The following NTM variants were observed in gnomAD, a reference collection of about 807,000 sequenced individuals.
NTM encodes the protein neurotrimin.
A neutral mutation model predicts 42.1 loss-of-function variants in NTM; 13 were observed. The ratio of observed to expected loss-of-function variants is 0.31; its 90% CI spans 0.20 to 0.49. The LOEUF (loss-of-function observed/expected upper bound fraction) is 0.49. Ranked by LOEUF, NTM falls within the 20% of genes least tolerant of loss-of-function variation. NTM has a pLI of 0.99. For synonymous variants in NTM, 187 were observed against 179.2 expected (o/e 1.04, Z -0.35); for missense variants, 373 against 452.8 (o/e 0.82, Z 1.60).
At chr11:131,742,512 T>C (rs2081318678) in intron 1 of NTM, among the ~76,000 whole-genome samples, 1 of 152,234 alleles carries the variant, frequency 6.6e-6, no homozygotes, top group African/African-American at 2.4e-5. Context: ...ATCTGAATTA[T>C]GATACAGTTT....
intron 1 of NTM, among the ~76,000 whole-genome samples, chr11:131,852,850 C>T (rs1437865886): frequency 6.7e-6 from 1 of 150,014 alleles, no homozygotes; most frequent in African/African-American, 2.5e-5. Flanking sequence ...ATCCATCCAC[C>T]CATCCATCTA....
Position 131,956,700 on chromosome 11 carries a change from C to G in NTM, c.167+45052C>G, listed in dbSNP as rs141978823. ...CGGTGTTTGCCCACAATTCCACTCA[C>G]TTAAAATTTGCCTTTGTCTTCTAGC... is the stretch of plus-strand genomic sequence containing the variant. On this transcript the variant is annotated intron_variant, in intron 2 of 8. Transcript: ENST00000683400. 5.0e-4 allele frequency among the ~76,000 whole-genome samples: 75 copies of G among 150,776 alleles called. 1 individual carries two copies. The East Asian group carries it at 0.014, about 27-fold the overall frequency.
At chr11:131,973,635 G>C (rs2063883194) in intron 2 of NTM, among the ~76,000 whole-genome samples, 1 of 152,184 alleles carries the variant, frequency 6.6e-6, no homozygotes, top group Admixed American at 6.5e-5. Flanking sequence ...TGGCCAACAT[G>C]GGGAAACCCC....
chr11:131,866,126 CACAT>C (rs566570541), intron 1 of NTM, among the ~76,000 whole-genome samples: 22 of 151,724 alleles, frequency 1.5e-4, no homozygotes, highest in African/African-American at 3.6e-4. Context: ...ACACATGCCT[CACAT>C]ACACATGCAT....
intron 2 of NTM, among the ~76,000 whole-genome samples, chr11:131,917,289 T>G (rs1162244711): frequency 6.6e-6 from 1 of 152,228 alleles, no homozygotes; most frequent in Non-Finnish European, 1.5e-5. Flanking sequence ...TCCTGAATTG[T>G]CTTGTGTTGT....
intron 3 of NTM, among the ~76,000 whole-genome samples, chr11:132,201,446 G>A (rs2081139213): frequency 6.6e-6 from 1 of 152,222 alleles, no homozygotes; most frequent in African/African-American, 2.4e-5. Flanking sequence ...TGCCAAAAGA[G>A]CGAAAGACAC....
chr11:131,683,168 C>T (rs1216691526), intron 1 of NTM, among the ~76,000 whole-genome samples: 2 of 152,220 alleles, frequency 1.3e-5, no homozygotes, highest in South Asian at 4.1e-4. Flanking sequence ...AGAAGGTCTG[C>T]ATGCTTTATT....
At chr11:132,238,523 T>TAGACAGAAGACAGAAGACAGA (rs60760134) in intron 4 of NTM, among the ~76,000 whole-genome samples, 7 of 151,178 alleles carry the variant, frequency 4.6e-5, no homozygotes, top group Admixed American at 6.6e-5. Flanking sequence ...CAACCCACAA[T>TAGACAGAAGACAGAAGACAGA]AGACAGAAGA....
At chr11:132,156,010 G>A (rs2073109308) in intron 3 of NTM, among the ~76,000 whole-genome samples, 1 of 152,146 alleles carries the variant, frequency 6.6e-6, no homozygotes, top group Admixed American at 6.5e-5. Context: ...AAATAATAAA[G>A]TCTTTTGAAA....
chr11:131,650,468 G>C lies in NTM; in HGVS notation c.83-261096G>C, dbSNP rs58176593. ...CTCCTCATTCTTTGCCAGAGCTTTT[G>C]AAAGTTCGGTCCAGCCTTCAGATTT... On this transcript the variant is annotated intron_variant, in intron 1 of 8. Coordinates refer to ENST00000683400, the MANE Select transcript of NTM (RefSeq NM_001352005.2). Among the ~76,000 whole-genome samples, 1,290 of 152,296 alleles carry C rather than the reference G, an allele frequency of 8.5e-3. 15 individuals carry two copies. Among genetic ancestry groups the C allele is most frequent in the African/African-American group, 0.027 (1,127 of 41,554 alleles).
intron 1 of NTM, among the ~76,000 whole-genome samples, chr11:131,756,523 C>CA (rs371563328): frequency 0.13 from 17,971 of 133,578 alleles, 1,093 homozygotes; most frequent in Middle Eastern, 0.2. Context: ...GACTCCATCT[C>CA]AAAAAAAAAA....
intron 1 of NTM, among the ~76,000 whole-genome samples, chr11:131,512,516 C>G (rs1359098429): frequency 6.6e-6 from 1 of 152,156 alleles, no homozygotes; most frequent in East Asian, 1.9e-4. Flanking sequence ...AGGATTCCCA[C>G]CCACCAGGGC....
chr11:131,639,136 C>A (rs982146750), intron 1 of NTM, among the ~76,000 whole-genome samples: 2 of 152,216 alleles, frequency 1.3e-5, no homozygotes, highest in Non-Finnish European at 2.9e-5. Flanking sequence ...ACTGGTACAA[C>A]TATCTCATAT....
chr11:131,803,626 T>C (rs2092308051), intron 1 of NTM, among the ~76,000 whole-genome samples: 1 of 152,216 alleles, frequency 6.6e-6, no homozygotes, highest in Non-Finnish European at 1.5e-5. Flanking sequence ...GACTTATTAA[T>C]TATCAAATAA....
At chr11:131,681,475 CTG>C (rs1250516914) in intron 1 of NTM, among the ~76,000 whole-genome samples, 1 of 3,630 alleles carries the variant, frequency 2.8e-4, no homozygotes, top group African/African-American at 1.3e-3. Flanking sequence ...GTTTCTGTGT[CTG>C]TGTGTATGTC....
intron 1 of NTM, among the ~76,000 whole-genome samples, chr11:131,700,331 G>A (rs534158335): frequency 1.3e-5 from 2 of 152,076 alleles, no homozygotes; most frequent in African/African-American, 2.4e-5. Flanking sequence ...TTGTATGCCT[G>A]TCATAATGTT....
intron 8 of NTM, among the ~76,000 whole-genome samples, chr11:132,330,987 T>TCATCA (rs2095792068): frequency 6.6e-6 from 1 of 152,228 alleles, no homozygotes; most frequent in Non-Finnish European, 1.5e-5. Context: ...TCATCTCATC[T>TCATCA]CATGGAATCC....
chr11:132,275,035 TG>T (rs2093651829), intron 4 of NTM, among the ~76,000 whole-genome samples: 1 of 152,132 alleles, frequency 6.6e-6, no homozygotes. Context: ...TTTCATTTTT[TG>T]GGTTACATTT....
chr11:132,330,728 C>A (rs1295691857), intron 8 of NTM, among the ~76,000 whole-genome samples: 1 of 152,212 alleles, frequency 6.6e-6, no homozygotes, highest in Non-Finnish European at 1.5e-5. Context: ...TGACACTCAT[C>A]ACCGTTCTCT....
Sources: gnomAD v4.1 joint callset for allele counts (sites outside exome capture counted in the v4.1 genomes callset) on GRCh38, gnomAD v4.1.1 for gene constraint, MANE v1.5 for transcripts, NCBI Gene and HGNC (gene_info 2026-07-23, HGNC 2026-07-21) for gene names.